The following NOS2 variants were observed in gnomAD, a reference collection of about 807,000 sequenced individuals.
The protein encoded by NOS2 is nitric oxide synthase, inducible.
A neutral mutation model predicts 136.0 loss-of-function variants in NOS2; 96 were observed. The observed-to-expected ratio is 0.71, with a 90% CI of 0.60 to 0.84. The LOEUF is 0.84. Ranked by LOEUF, NOS2 falls within the 40% of genes least tolerant of loss-of-function variation. The pLI is 0.00. For synonymous variants in NOS2, 539 were observed against 587.5 expected (o/e 0.92, Z 1.20); for missense variants, 1,237 against 1,496.9 (o/e 0.83, Z 2.87).
At chr17:27,759,398 C>G (rs1232958653) in intron 25 of NOS2, among the ~76,000 whole-genome samples, 1 of 152,172 alleles carries the variant, frequency 6.6e-6, no homozygotes, top group Non-Finnish European at 1.5e-5. Context: ...CAGGGCTCTG[C>G]CTACACCCCA....
chr17:27,768,623 G>T (rs1298066662), intron 17 of NOS2, among the ~76,000 whole-genome samples: 1 of 152,246 alleles, frequency 6.6e-6, no homozygotes, highest in Non-Finnish European at 1.5e-5. Flanking sequence ...ATTGTGTGGT[G>T]CCTGTCCCCA....
At position 27,767,717 on chromosome 17, in the gene NOS2, C is replaced by A. The variant is rs1454572063; in HGVS notation, c.2155G>T (p.Asp719Tyr). 1 of 1,613,680 alleles carries A rather than the reference C, an allele frequency of 6.2e-7. No individual in the cohort carries two copies. The highest frequency in any genetic ancestry group is 8.5e-7 in the Non-Finnish European group (1 of 1,179,988). The change falls in exon 18 of 27, where the codon GAC (aspartate) becomes TAC (tyrosine). Residue 719 changes from aspartate to tyrosine, a missense_variant. Physicochemically the swap from Asp to Tyr is radical, Grantham distance 160. Coordinates refer to ENST00000313735, the MANE Select transcript of NOS2 (RefSeq NM_000625.4). The stretch of plus-strand genomic sequence containing the variant: ...GAGAAGCAGGTACCTTTGCTGAGGT[C>A]CAAAGGCTGTGAGTCCTGCACGAGC... ...YRLVQDSQPL[D>Y]LSKALSSMHA... is the part of the protein sequence containing the mutation.
chr17:27,775,226 G>A (rs1051915236), intron 11 of NOS2, among the ~76,000 whole-genome samples: 8 of 152,222 alleles, frequency 5.3e-5, no homozygotes, highest in African/African-American at 1.4e-4. Context: ...TTGGGAGGCC[G>A]AGGTGGGAGG....
At chr17:27,775,710 G>A (rs913748458) in intron 11 of NOS2, among the ~76,000 whole-genome samples, 1 of 152,220 alleles carries the variant, frequency 6.6e-6, no homozygotes, top group Non-Finnish European at 1.5e-5. Context: ...CTTGAGCCCA[G>A]GAGGTCAAGG....
Position 27,757,252 on chromosome 17 carries a change from C to T in NOS2, c.3456G>A (p.Ala1152=), listed in dbSNP as rs565861247. 33 of 1,613,676 alleles carry T rather than the reference C, an allele frequency of 2.0e-5. No individual in the cohort carries two copies. In the South Asian group the frequency reaches 3.5e-4, roughly 17 times the overall value. The change falls in exon 27 of 27, where the codon GCG becomes GCA. Residue 1152 remains alanine (A), a synonymous_variant. Coordinates refer to ENST00000313735, the MANE Select transcript of NOS2 (RefSeq NM_000625.4). ...AVQPSSLEMS[A]L is the part of the protein sequence containing the mutation. ...TAACCCCTCCTGTAGGCCCTCAGAG[C>T]GCTGACATCTCCAGGCTGCTGGGCT...
chr17:27,797,541 T>G (rs1909389278), intron 2 of NOS2, among the ~76,000 whole-genome samples: 1 of 152,364 alleles, frequency 6.6e-6, no homozygotes, highest in African/African-American at 2.4e-5. Flanking sequence ...TGGCATTTTT[T>G]GCCGCCTCTG....
At chr17:27,761,074 C>G (rs1908108752) in intron 23 of NOS2, 70 bp downstream of exon 23, 2 of 1,376,340 alleles carry the variant, frequency 1.5e-6, no homozygotes, top group Non-Finnish European at 2.0e-6. Context: ...AACCCCAGAT[C>G]CCTCCCTTTC....
intron 11 of NOS2, among the ~76,000 whole-genome samples, chr17:27,778,379 C>A (rs1297907114): frequency 6.6e-6 from 1 of 152,108 alleles, no homozygotes; most frequent in East Asian, 1.9e-4. Flanking sequence ...CTATTCATTT[C>A]TTTCTTTGAA....
chr17:27,793,649 G>C (rs1909262665), intron 2 of NOS2: 1 of 397,070 alleles, frequency 2.5e-6, no homozygotes, highest in Non-Finnish European at 4.4e-6. Context: ...AGCCTGCACA[G>C]CCGGGGCCCG....
chr17:27,762,660 C>A, intron 22 of NOS2, 138 bp downstream of exon 22: 1 of 653,180 alleles, frequency 1.5e-6, no homozygotes. Flanking sequence ...CCACACACCT[C>A]CTAATACTGT....
chr17:27,791,769 G>GAAAAAAAAAA (rs869055216), intron 2 of NOS2, among the ~76,000 whole-genome samples: 4,321 of 108,518 alleles, frequency 0.04, 203 homozygotes, highest in Non-Finnish European at 0.052. Context: ...TGGCCTGCCA[G>GAAAAAAAAAA]AAAAAAACAA....
At chr17:27,798,673 CA>C (rs770841515) in intron 2 of NOS2, 26 bp downstream of exon 2, 2 of 1,435,498 alleles carry the variant, frequency 1.4e-6, no homozygotes, top group Non-Finnish European at 2.0e-6. Flanking sequence ...AGGAGACAAG[CA>C]GGAGGTTCCC....
At position 27,760,709 on chromosome 17, in the gene NOS2, T is replaced by C; in HGVS notation, c.2924A>G (p.His975Arg). The C allele has an allele frequency of 2.6e-6, 4 of 1,550,312 alleles. No individual in the cohort carries two copies. Among genetic ancestry groups the C allele is most frequent in the Non-Finnish European group, 3.5e-6 (4 of 1,146,998 alleles). ...SGFHLPEDPS[H>R]PCILIGPGTG... ...GCCAGGCCCGATGAGGATGCAAGGA[T>C]GGGAGGGATCCTCGGGGAGGTGGAA... Residue 975 changes from histidine (H) to arginine (R), a missense_variant, in exon 24 of 27, where the codon CAT (histidine) becomes CGT (arginine). Around this residue, in one of 3 missense-constraint regions of NOS2, gnomAD observed 782 missense variants for 909.9 expected, o/e 0.86. Transcript: ENST00000313735.
intron 24 of NOS2, 81 bp downstream of exon 24, chr17:27,760,542 C>A: frequency 6.5e-7 from 1 of 1,537,906 alleles, no homozygotes; most frequent in East Asian, 2.4e-5. Flanking sequence ...GGTCAGGAAC[C>A]GTTTGTGGGG....
In NOS2 at chr17:27,774,372, C is replaced by A. The variant is rs201281278; in HGVS notation, c.1361G>T (p.Arg454Leu). The change falls in exon 12 of 27, where the codon CGT becomes CTT. Residue 454 changes from arginine to leucine, a missense_variant. Around this residue, in one of 3 missense-constraint regions of NOS2, gnomAD observed 782 missense variants for 909.9 expected, o/e 0.86. Transcript: ENST00000313735. ...AATCCAGTCTGCCGGGCAGCCCCCA[C>A]GGGACCGGTATTCATTCTGCATGTA... is the stretch of plus-strand genomic sequence containing the variant. ...MKYMQNEYRS[R>L]GGCPADWIWL... 6.3e-7 allele frequency: 1 copy of A among 1,581,652 alleles called. No individual in the cohort carries two copies. Among genetic ancestry groups the A allele is most frequent in the African/African-American group, 1.4e-5 (1 of 73,402 alleles).
intron 2 of NOS2, among the ~76,000 whole-genome samples, chr17:27,797,482 C>T (rs899982831): frequency 6.6e-6 from 1 of 152,232 alleles, no homozygotes; most frequent in African/African-American, 2.4e-5. Flanking sequence ...TACAGGGCTA[C>T]TGAGTGGCAA....
intron 20 of NOS2, 114 bp downstream of exon 20, chr17:27,765,421 T>C: frequency 1.0e-6 from 1 of 985,466 alleles, no homozygotes; most frequent in South Asian, 1.8e-5. Context: ...TGGCCCGCCC[T>C]CTCAGCAGGA....
chr17:27,760,890 C>T lies in NOS2; in HGVS notation c.2889-146G>A, dbSNP rs141579992. 121 of 1,119,238 alleles carry T rather than the reference C, an allele frequency of 1.1e-4. No individual in the cohort carries two copies. In the African/African-American group the frequency reaches 1.3e-3, roughly 12 times the overall value. The allele number at this position is 1,119,238 out of a possible 1,614,324, so 69.3% of individuals were successfully genotyped here. On this transcript the variant is annotated intron_variant, in intron 23 of 26. Coordinates refer to ENST00000313735, the MANE Select transcript of NOS2 (RefSeq NM_000625.4). ...CTCCTATTTGATTTCCCACGTCCTG[C>T]AGGCTGCTTCACTTCTGTCCAGGCA... is the stretch of plus-strand genomic sequence containing the variant.
At chr17:27,796,854 ACT>A (rs1909370197) in intron 2 of NOS2, among the ~76,000 whole-genome samples, 2 of 151,962 alleles carry the variant, frequency 1.3e-5, no homozygotes, top group South Asian at 4.2e-4. Flanking sequence ...GAGGCCATCA[ACT>A]CTGTGTTCTC....
Sources: gnomAD v4.1 joint callset for allele counts (sites outside exome capture counted in the v4.1 genomes callset) on GRCh38, gnomAD v4.1.1 for gene constraint, gnomAD v4.1.1 regional missense constraint, MANE v1.5 for transcripts, NCBI Gene and HGNC (gene_info 2026-07-23, HGNC 2026-07-21) for gene names.